The following HS3ST5 variants were observed in gnomAD, a reference collection of about 807,000 sequenced individuals.
HS3ST5 encodes heparan sulfate-glucosamine 3-sulfotransferase 5.
Under a neutral mutation model 25.4 loss-of-function variants are expected in HS3ST5, and 10 were observed. That is an observed-to-expected ratio of 0.39 (90% CI 0.24 to 0.67). The LOEUF (loss-of-function observed/expected upper bound fraction) is 0.67. Ranked by LOEUF, HS3ST5 falls within the 30% of genes least tolerant of loss-of-function variation. The pLI is 0.44. For synonymous variants in HS3ST5, 170 were observed against 162.4 expected, an observed-to-expected ratio of 1.05 and a Z score of -0.36; for missense variants, 324 against 420.7, an observed-to-expected ratio of 0.77 and a Z score of 2.01.
intron 2 of HS3ST5, among the ~76,000 whole-genome samples, chr6:114,182,556 C>G (rs1307249684): frequency 6.6e-6 from 1 of 152,114 alleles, no homozygotes; most frequent in Admixed American, 6.5e-5. Context: ...AAGATTAGAG[C>G]ACTGAAGACC....
chr6:114,148,675 A>G (rs766358455), intron 3 of HS3ST5, among the ~76,000 whole-genome samples: 1 of 152,174 alleles, frequency 6.6e-6, no homozygotes, highest in Non-Finnish European at 1.5e-5. Context: ...CATTCAGGAC[A>G]TAGGGATGCC....
intron 3 of HS3ST5, among the ~76,000 whole-genome samples, chr6:114,080,957 TAAA>T (rs1774423213): frequency 1.3e-5 from 2 of 151,978 alleles, no homozygotes; most frequent in Non-Finnish European, 2.9e-5. Context: ...ACAAAAGTAA[TAAA>T]AAATAAAATG....
At chr6:114,125,917 A>G (rs1777015049) in intron 3 of HS3ST5, among the ~76,000 whole-genome samples, 1 of 152,232 alleles carries the variant, frequency 6.6e-6, no homozygotes, top group African/African-American at 2.4e-5. Context: ...GGAAGCTGAC[A>G]GGCAGTATTA....
At chr6:114,290,222 C>T (rs1314726583) in intron 1 of HS3ST5, among the ~76,000 whole-genome samples, 1 of 152,036 alleles carries the variant, frequency 6.6e-6, no homozygotes. Context: ...GTGGTCTTTT[C>T]GAAGACACAC....
chr6:114,121,594 C>G (rs927283311), intron 3 of HS3ST5, among the ~76,000 whole-genome samples: 2 of 151,856 alleles, frequency 1.3e-5, no homozygotes, highest in Admixed American at 6.6e-5. Context: ...ATAAAAAATA[C>G]AATACTAGTA....
intron 1 of HS3ST5, among the ~76,000 whole-genome samples, chr6:114,244,870 T>G (rs1233069702): frequency 1.3e-5 from 2 of 152,210 alleles, no homozygotes; most frequent in African/African-American, 4.8e-5. Context: ...ACCTTACATT[T>G]GCTTCCATTA....
At chr6:114,120,027 C>T (rs1027137114) in intron 3 of HS3ST5, among the ~76,000 whole-genome samples, 1 of 152,156 alleles carries the variant, frequency 6.6e-6, no homozygotes, top group African/African-American at 2.4e-5. Flanking sequence ...TGCCTGTAAT[C>T]CCAGCTACTC....
At chr6:114,082,540 CGCATTTAT>C (rs1336878507) in intron 3 of HS3ST5, among the ~76,000 whole-genome samples, 1 of 152,082 alleles carries the variant, frequency 6.6e-6, no homozygotes, top group African/African-American at 2.4e-5. Context: ...GAATAAAGTT[CGCATTTAT>C]TGAGCGGTGT....
intron 3 of HS3ST5, among the ~76,000 whole-genome samples, chr6:114,135,705 C>T (rs934294085): frequency 3.3e-5 from 5 of 152,192 alleles, no homozygotes; most frequent in East Asian, 1.9e-4. Flanking sequence ...CTTCCCGTGA[C>T]GTTTATTTAT....
chr6:114,313,114 C>T (rs1040510353), intron 1 of HS3ST5, among the ~76,000 whole-genome samples: 2 of 140,014 alleles, frequency 1.4e-5, no homozygotes, highest in Non-Finnish European at 3.1e-5. Context: ...TATTAGTCAT[C>T]AGAGAAATGA....
At chr6:114,207,241 TA>T (rs2114408243) in intron 2 of HS3ST5, among the ~76,000 whole-genome samples, 1 of 152,296 alleles carries the variant, frequency 6.6e-6, no homozygotes, top group African/African-American at 2.4e-5. Flanking sequence ...TGCCCTTTTG[TA>T]ATTCTGCAAT....
chr6:114,126,134 A>G (rs181986963), intron 3 of HS3ST5, among the ~76,000 whole-genome samples: 38 of 152,268 alleles, frequency 2.5e-4, no homozygotes, highest in Admixed American at 3.9e-4. Context: ...TTTCAAAAAT[A>G]CTCCCTGGAT....
chr6:114,173,278 G>C (rs536380615), intron 2 of HS3ST5, among the ~76,000 whole-genome samples: 3 of 152,130 alleles, frequency 2.0e-5, no homozygotes, highest in African/African-American at 7.2e-5. Flanking sequence ...TTATATTCTC[G>C]ATTTTGCACT....
chr6:114,127,195 T>C (rs1777083154), intron 3 of HS3ST5, among the ~76,000 whole-genome samples: 1 of 152,120 alleles, frequency 6.6e-6, no homozygotes, highest in African/African-American at 2.4e-5. Flanking sequence ...GAGACTAGCC[T>C]GGCCAACATG....
intron 2 of HS3ST5, among the ~76,000 whole-genome samples, chr6:114,198,207 C>G (rs1023631973): frequency 2.0e-5 from 3 of 151,830 alleles, no homozygotes; most frequent in African/African-American, 7.3e-5. Context: ...AAAGACTGAT[C>G]CTTCAAATCA....
At chr6:114,203,604 A>G (rs1234046346) in intron 2 of HS3ST5, among the ~76,000 whole-genome samples, 1 of 152,162 alleles carries the variant, frequency 6.6e-6, no homozygotes, top group Non-Finnish European at 1.5e-5. Flanking sequence ...AATGCACAGC[A>G]AGGAACTAAG....
Position 114,081,153 on chromosome 6 carries a change from G to T in HS3ST5, c.-32-18276C>A, listed in dbSNP as rs1350658141. 1.3e-5 allele frequency among the ~76,000 whole-genome samples: 2 copies of T among 152,148 alleles called. 1 individual carries two copies. Among genetic ancestry groups the T allele is most frequent in the Middle Eastern group, 6.3e-3 (2 of 316 alleles). Reference sequence around the variant, plus strand: ...TGATCAAGTCTGCTGTCTTATGTGGGTGTAGTTTATGGTGCCCGAAATAAT... The same window carrying T: ...TGATCAAGTCTGCTGTCTTATGTGGTTGTAGTTTATGGTGCCCGAAATAAT... On this transcript the variant is annotated intron_variant, in intron 3 of 4. Coordinates refer to ENST00000312719, the MANE Select transcript of HS3ST5 (RefSeq NM_153612.4).
At position 114,099,364 on chromosome 6, in the gene HS3ST5, T is replaced by G. The variant is rs538796792; in HGVS notation, c.-32-36487A>C. On this transcript the variant is annotated intron_variant, in intron 3 of 4. Coordinates refer to ENST00000312719, the MANE Select transcript of HS3ST5 (RefSeq NM_153612.4). The stretch of plus-strand genomic sequence containing the variant: ...AGTAACAAACTGTCTTCTGAAAGTT[T>G]TTGTTACAGATTCCTAAATTTTAAT... Among the ~76,000 whole-genome samples the G allele has an allele frequency of 2.0e-5, 3 of 152,288 alleles. No homozygotes were observed. In the South Asian group the frequency reaches 6.2e-4, roughly 32 times the overall value.
At chr6:114,097,988 G>A (rs2114812589) in intron 3 of HS3ST5, among the ~76,000 whole-genome samples, 1 of 152,016 alleles carries the variant, frequency 6.6e-6, no homozygotes, top group East Asian at 1.9e-4. Context: ...ACAAATGCAT[G>A]ACTCATGTAC....
Sources: gnomAD v4.1 joint callset for allele counts (sites outside exome capture counted in the v4.1 genomes callset) on GRCh38, gnomAD v4.1.1 for gene constraint, MANE v1.5 for transcripts, NCBI Gene and HGNC (gene_info 2026-07-23, HGNC 2026-07-21) for gene names.